AGAP1: variants seen among roughly 807,000 people sequenced by gnomAD.
AGAP1 encodes the protein arf-GAP with GTPase, ANK repeat and PH domain-containing protein 1.
In AGAP1, 29 loss-of-function variants were observed where a neutral mutation model predicts 105.3. The observed-to-expected ratio is 0.28, with a 90% confidence interval of 0.21 to 0.38. The LOEUF is 0.38. Ranked by LOEUF, AGAP1 falls within the 10% of genes least tolerant of loss-of-function variation. The pLI is 1.00. For synonymous variants in AGAP1, 509 were observed against 485.9 expected, an observed-to-expected ratio of 1.05 and a Z score of -0.63; for missense variants, 998 against 1,165.1, an observed-to-expected ratio of 0.86 and a Z score of 2.09.
rs1347050603 is a variant in AGAP1 at position 235,801,893 on chromosome 2, G to A, written c.957+2371G>A. Among the ~76,000 whole-genome samples the A allele has an allele frequency of 6.6e-6, 1 of 152,040 alleles. No homozygotes were observed. Among genetic ancestry groups the A allele is most frequent in the Non-Finnish European group, 1.5e-5 (1 of 68,004 alleles). On this transcript the variant is annotated intron_variant, in intron 8 of 17. Transcript: ENST00000304032. The surrounding 1 kb of genome is among the most constrained non-coding windows in gnomAD (Gnocchi z 6.0). ...AGGAGAGAAATTTTAAAACCACAAAGTATCTTTAAAAATGAGACTATTTAT... is the reference window on the plus strand; with the variant it reads ...AGGAGAGAAATTTTAAAACCACAAAATATCTTTAAAAATGAGACTATTTAT...
chr2:235,862,660 C>A (rs1011711070), intron 9 of AGAP1, among the ~76,000 whole-genome samples: 1 of 152,226 alleles, frequency 6.6e-6, no homozygotes, highest in Admixed American at 6.5e-5. Flanking sequence ...TCTGCATAAA[C>A]CTTTTTCTTT....
chr2:235,950,493 A>G (rs75728497), intron 12 of AGAP1, among the ~76,000 whole-genome samples: 3,545 of 152,218 alleles, frequency 0.023, 145 homozygotes, highest in African/African-American at 0.081. Context: ...GGGGGCTGGC[A>G]GCGCTGGGAA....
chr2:235,550,067 C>T lies in AGAP1; in HGVS notation c.163+55218C>T, dbSNP rs939657150. ...TTGTATTGTACATTTTTAGGAAGGA[C>T]GGGTAGGGTTGCTGCTTCAGAGATC... is the stretch of plus-strand genomic sequence containing the variant. On this transcript the variant is annotated intron_variant, in intron 1 of 17. Transcript: ENST00000304032. The surrounding 1 kb of genome is among the most constrained non-coding windows in gnomAD (Gnocchi z 4.6). Among the ~76,000 whole-genome samples the T allele has an allele frequency of 2.6e-5, 4 of 152,150 alleles. No homozygotes were observed. The highest frequency in any genetic ancestry group is 4.4e-5 in the Non-Finnish European group (3 of 68,024).
chr2:236,041,665 A>C (rs919164963), intron 15 of AGAP1, among the ~76,000 whole-genome samples: 4 of 152,172 alleles, frequency 2.6e-5, no homozygotes, highest in Admixed American at 6.5e-5. Context: ...AGTGTTTTGA[A>C]GAGAAGGAAG....
At chr2:235,649,546 T>C (rs1947511469) in intron 1 of AGAP1, among the ~76,000 whole-genome samples, 1 of 152,134 alleles carries the variant, frequency 6.6e-6, no homozygotes, top group South Asian at 2.1e-4. Flanking sequence ...GCACATTTTC[T>C]TATTTTGTAG....
chr2:235,738,077 C>T (rs1952356374), intron 3 of AGAP1, among the ~76,000 whole-genome samples: 1 of 151,930 alleles, frequency 6.6e-6, no homozygotes, highest in Non-Finnish European at 1.5e-5. Context: ...GCGGCGAGGT[C>T]CCTCTGGCTG....
At chr2:235,671,118 C>T (rs1948394831) in intron 1 of AGAP1, 3 of 1,240,344 alleles carry the variant, frequency 2.4e-6, no homozygotes, top group Non-Finnish European at 3.0e-6. Context: ...TTGCCGGTTC[C>T]GCAGCGGCTA....
intron 1 of AGAP1, among the ~76,000 whole-genome samples, chr2:235,502,874 A>G (rs1417687791): frequency 1.3e-5 from 2 of 152,132 alleles, no homozygotes; most frequent in Admixed American, 6.5e-5. Flanking sequence ...GGACGAAGCT[A>G]CTGTTACCCT....
rs888286136 is a variant in AGAP1 at position 235,578,765 on chromosome 2, A to G, written c.163+83916A>G. ...GTGCCACTGCACTCCAGCCTGGGCA[A>G]TACAGCGAGACTCAGTCTCAAAAAA... On this transcript the variant is annotated intron_variant, in intron 1 of 17. Transcript: ENST00000304032. The surrounding 1 kb of genome is among the most constrained non-coding windows in gnomAD (Gnocchi z 4.9). Among the ~76,000 whole-genome samples, 9 of 149,754 alleles carry G rather than the reference A, an allele frequency of 6.0e-5. No individual in the cohort carries two copies. Among genetic ancestry groups the G allele is most frequent in the Non-Finnish European group, 1.2e-4 (8 of 67,664 alleles).
intron 2 of AGAP1, among the ~76,000 whole-genome samples, chr2:235,709,691 G>A (rs1182775312): frequency 6.6e-6 from 1 of 152,194 alleles, no homozygotes; most frequent in African/African-American, 2.4e-5. Flanking sequence ...TTTTTGAAAT[G>A]TGACTATTTA....
chr2:235,771,333 A>T (rs891900383), intron 6 of AGAP1, among the ~76,000 whole-genome samples: 4 of 152,228 alleles, frequency 2.6e-5, no homozygotes, highest in African/African-American at 9.6e-5. Context: ...CCATAGGTGC[A>T]GAAGGTTCAG....
rs1268551026 is a variant in AGAP1, at chr2:235,991,008, G to T, written c.1645+22385G>T. On this transcript the variant is annotated intron_variant, in intron 13 of 17. Transcript: ENST00000304032. ...AGCAAAGGTGAGGCTGTCGCCAGGT[G>T]GCCCTCTGTGGTCGGCATCTTCCTG... Among the ~76,000 whole-genome samples the T allele has an allele frequency of 2.0e-5, 3 of 152,156 alleles. No individual in the cohort carries two copies. In the East Asian group the frequency reaches 5.8e-4, roughly 29 times the overall value.
At chr2:235,526,210 G>A (rs536955837) in intron 1 of AGAP1, among the ~76,000 whole-genome samples, 1 of 152,056 alleles carries the variant, frequency 6.6e-6, no homozygotes, top group Non-Finnish European at 1.5e-5. Flanking sequence ...TAAAGTAGAG[G>A]ACTGATTTAT....
chr2:235,697,024 C>T (rs994418489), intron 1 of AGAP1, among the ~76,000 whole-genome samples: 5 of 152,054 alleles, frequency 3.3e-5, no homozygotes, highest in Non-Finnish European at 5.9e-5. Flanking sequence ...TTGTTTCATT[C>T]GATTTGCCAT....
At chr2:235,580,057 G>A (rs1285242371) in intron 1 of AGAP1, among the ~76,000 whole-genome samples, 6 of 152,152 alleles carry the variant, frequency 3.9e-5, no homozygotes, top group Non-Finnish European at 8.8e-5. Context: ...GAGATTCATC[G>A]AGGGTGGTAG....
At chr2:235,790,422 G>A (rs1263896468) in intron 6 of AGAP1, among the ~76,000 whole-genome samples, 1 of 152,124 alleles carries the variant, frequency 6.6e-6, no homozygotes, top group Non-Finnish European at 1.5e-5. Context: ...GAACCAGGCT[G>A]CTGAGTTCAG....
Position 235,642,611 on chromosome 2 carries a change from A to T in AGAP1, c.164-66568A>T, listed in dbSNP as rs890142433. On this transcript the variant is annotated intron_variant, in intron 1 of 17. Coordinates refer to ENST00000304032, the MANE Select transcript of AGAP1 (RefSeq NM_001037131.3). The surrounding 1 kb of genome is among the most constrained non-coding windows in gnomAD (Gnocchi z 4.1). ...TGTCCAGAGGCAGACCCACCCTGGA[A>T]GGCAGGCCAGCCTCCGCTCTCCACA... Among the ~76,000 whole-genome samples, 1 of 152,104 alleles carries T rather than the reference A, an allele frequency of 6.6e-6. No homozygotes were observed. Among genetic ancestry groups the T allele is most frequent in the Non-Finnish European group, 1.5e-5 (1 of 68,014 alleles).
chr2:236,123,796 AG>A lies in AGAP1; in HGVS notation c.2371-122del, dbSNP rs1212601551. 4 of 1,223,078 alleles carry A rather than the reference AG, an allele frequency of 3.3e-6. No homozygotes were observed. The African/African-American group carries it at 6.0e-5, about 18-fold the overall frequency. 75.8% of individuals were successfully genotyped at this position (1,223,078 alleles called of 1,614,324 possible). On this transcript the variant is annotated intron_variant, in intron 17 of 17. Transcript: ENST00000304032. This position sits in a 1 kb window ranked among gnomAD's most constrained non-coding sequence, Gnocchi z 4.6. ...ACTGGATGGTCCTGGCACCCCAGCCAGTTGTGTAGCTGGCCCCGCTGTCCAA... is the reference window on the plus strand; with the variant it reads ...ACTGGATGGTCCTGGCACCCCAGCCATTGTGTAGCTGGCCCCGCTGTCCAA...
At chr2:235,524,087 G>T (rs535535843) in intron 1 of AGAP1, among the ~76,000 whole-genome samples, 8 of 152,346 alleles carry the variant, frequency 5.3e-5, no homozygotes, top group African/African-American at 1.4e-4. Flanking sequence ...ATGGGACTGT[G>T]GAAAGGGCTG....
Sources: allele counts gnomAD v4.1 joint callset (sites outside exome capture counted in the v4.1 genomes callset), GRCh38; gene constraint gnomAD v4.1.1; non-coding constraint Gnocchi (gnomAD v3.1); transcripts MANE v1.5; gene names NCBI Gene and HGNC (gene_info 2026-07-23, HGNC 2026-07-21).